Variants in FAM171B observed in about 807,000 individuals in gnomAD.
FAM171B encodes protein FAM171B.
A neutral mutation model predicts 75.6 loss-of-function variants in FAM171B; 19 were observed. The ratio of observed to expected loss-of-function variants is 0.25; its 90% CI spans 0.18 to 0.37. The LOEUF (loss-of-function observed/expected upper bound fraction) is 0.37, where lower values mean the gene tolerates loss of function less well. Ranked by LOEUF, FAM171B falls within the 10% of genes least tolerant of loss-of-function variation. The pLI is 1.00. For synonymous variants in FAM171B, 367 were observed against 361.7 expected (o/e 1.01, Z -0.17); for missense variants, 848 against 982.4 (o/e 0.86, Z 1.83).
At chr2:186,753,906 A>T in intron 5 of FAM171B, 27 bp from the exon 6 acceptor site, 1 of 1,560,854 alleles carries the variant, frequency 6.4e-7, no homozygotes, top group South Asian at 1.1e-5. Flanking sequence ...TATAACTGTA[A>T]CAAGTATTTT....
intron 1 of FAM171B, among the ~76,000 whole-genome samples, chr2:186,737,465 T>G (rs1378017787): frequency 1.3e-5 from 2 of 152,282 alleles, no homozygotes; most frequent in East Asian, 3.9e-4. Context: ...AAATCATCCT[T>G]CCTTCTCACC....
At chr2:186,757,067 G>A (rs1276349251) in intron 6 of FAM171B, among the ~76,000 whole-genome samples, 1 of 152,046 alleles carries the variant, frequency 6.6e-6, no homozygotes, top group Non-Finnish European at 1.5e-5. Context: ...TATACTTGAG[G>A]AATGTTGATG....
At chr2:186,717,001 T>C (rs62196185) in intron 1 of FAM171B, among the ~76,000 whole-genome samples, 31,817 of 152,002 alleles carry the variant, frequency 0.21, 4,799 homozygotes, top group East Asian at 0.73. Context: ...TTTCATAGAA[T>C]GAAATTCAGG....
At chr2:186,708,680 G>T (rs1313525849) in intron 1 of FAM171B, among the ~76,000 whole-genome samples, 1 of 152,042 alleles carries the variant, frequency 6.6e-6, no homozygotes, top group South Asian at 2.1e-4. Context: ...TCTTTCTGTG[G>T]CAATAATAAA....
chr2:186,748,781 G>T (rs1294374193), intron 4 of FAM171B, among the ~76,000 whole-genome samples: 4 of 152,096 alleles, frequency 2.6e-5, no homozygotes, highest in African/African-American at 9.7e-5. Context: ...TTATCTCAGG[G>T]TCTGCTGCTT....
At chr2:186,727,949 G>C (rs1174364698) in intron 1 of FAM171B, among the ~76,000 whole-genome samples, 1 of 152,054 alleles carries the variant, frequency 6.6e-6, no homozygotes, top group Non-Finnish European at 1.5e-5. Context: ...TGAATATTTT[G>C]TGTGAAAATG....
At chr2:186,752,266 G>A (rs150218219) in intron 5 of FAM171B, among the ~76,000 whole-genome samples, 11 of 152,208 alleles carry the variant, frequency 7.2e-5, no homozygotes, top group African/African-American at 2.4e-4. Context: ...AGCTGGATGG[G>A]ACCCTAAACT....
chr2:186,755,195 G>A (rs777005456), intron 6 of FAM171B, among the ~76,000 whole-genome samples: 38 of 152,062 alleles, frequency 2.5e-4, no homozygotes, highest in Admixed American at 8.5e-4. Context: ...AGTCTAGACC[G>A]GTTGCACTGT....
intron 2 of FAM171B, 45 bp from the exon 3 acceptor site, chr2:186,743,438 C>A: frequency 7.4e-7 from 1 of 1,353,722 alleles, no homozygotes; most frequent in South Asian, 1.2e-5. Context: ...TAGTTTTTTT[C>A]CCCTCACATT....
Position 186,762,426 on chromosome 2 carries a change from G to A in FAM171B, c.2084G>A (p.Gly695Asp). ...VRHSFIDLKK[G>D]KRTQSNDTSL... is the part of the protein sequence containing the mutation. ...CACTCCTTTATAGACCTGAAAAAGG[G>A]CAAGAGAACCCAGAGCAATGACACC... The change falls in exon 8 of 8, where the codon GGC (glycine) becomes GAC (aspartate). Residue 695 changes from glycine (G) to aspartate (D), a missense_variant. Gly to Asp is a moderately conservative substitution (Grantham distance 94). This residue lies in a region of FAM171B where 136 missense variants were observed against 159.3 expected (regional missense o/e 0.85). Coordinates refer to ENST00000304698, the MANE Select transcript of FAM171B (RefSeq NM_177454.4). This position sits in a 1 kb window ranked among gnomAD's most constrained non-coding sequence, Gnocchi z 4.0. 1 of 1,613,632 alleles carries A rather than the reference G, an allele frequency of 6.2e-7. No individual in the cohort carries two copies. Among genetic ancestry groups the A allele is most frequent in the Non-Finnish European group, 8.5e-7 (1 of 1,179,770 alleles).
intron 3 of FAM171B, among the ~76,000 whole-genome samples, chr2:186,745,271 C>T (rs756726568): frequency 7.2e-5 from 11 of 152,236 alleles, no homozygotes; most frequent in Non-Finnish European, 1.2e-4. Context: ...AGCTTCTTCA[C>T]AGTCCCTCTT....
intron 1 of FAM171B, among the ~76,000 whole-genome samples, chr2:186,733,005 A>G (rs1690141513): frequency 6.6e-6 from 1 of 152,212 alleles, no homozygotes; most frequent in African/African-American, 2.4e-5. Flanking sequence ...CAGTTTAACA[A>G]CTGCCTGAAC....
In FAM171B at chr2:186,765,059, C is replaced by T. The variant is rs1297713848; in HGVS notation, c.*2236C>T. 1 of 151,908 alleles carries T rather than the reference C, an allele frequency of 6.6e-6. No homozygotes were observed. Among genetic ancestry groups the T allele is most frequent in the Non-Finnish European group, 1.5e-5 (1 of 67,884 alleles). 9.4% of individuals were successfully genotyped at this position (151,908 alleles called of 1,614,324 possible). ...TAAAACCTTATTATTTTTTACACTG[C>T]ACATGCTGTTCTCAATTGGTAATTA... On this transcript the variant is annotated 3_prime_UTR_variant, in exon 8 of 8. Coordinates refer to ENST00000304698, the MANE Select transcript of FAM171B (RefSeq NM_177454.4).
intron 1 of FAM171B, among the ~76,000 whole-genome samples, chr2:186,726,808 G>A (rs1430024641): frequency 6.6e-6 from 1 of 152,140 alleles, no homozygotes; most frequent in Non-Finnish European, 1.5e-5. Context: ...GTGAAAGGAA[G>A]AGGAATCTTA....
rs1350181415 is a variant in FAM171B at position 186,740,214 on chromosome 2, C to A, written c.239-14C>A. On this transcript the variant is annotated splice_polypyrimidine_tract_variant and intron_variant, in intron 1 of 7. Coordinates refer to ENST00000304698, the MANE Select transcript of FAM171B (RefSeq NM_177454.4). ...GGATACGACATGCTGCAATTTCTAC[C>A]TTTTTCTCTCCAGTGTCTGTATTTA... The A allele has an allele frequency of 6.3e-7, 1 of 1,598,272 alleles. No individual in the cohort carries two copies. The highest frequency in any genetic ancestry group is 2.2e-5 in the East Asian group (1 of 44,738).
intron 4 of FAM171B, 87 bp from the exon 5 acceptor site, chr2:186,751,047 G>A (rs903924461): frequency 5.0e-6 from 5 of 991,426 alleles, no homozygotes; most frequent in East Asian, 2.4e-5. Context: ...TGGTGAAATA[G>A]AGGAACTATT....
At chr2:186,722,782 C>T (rs1300563190) in intron 1 of FAM171B, among the ~76,000 whole-genome samples, 3 of 152,120 alleles carry the variant, frequency 2.0e-5, no homozygotes, top group East Asian at 3.9e-4. Flanking sequence ...TCTTAAAGCT[C>T]ATTCTATTGA....
chr2:186,740,120 T>G, intron 1 of FAM171B, 108 bp from the exon 2 acceptor site: 1 of 717,704 alleles, frequency 1.4e-6, no homozygotes, highest in South Asian at 2.0e-5. Flanking sequence ...TTCCTAAGTT[T>G]AACAACAGTT....
chr2:186,747,136 A>G lies in FAM171B; in HGVS notation c.610A>G (p.Lys204Glu). ...PSVQFSKALIKLPDNHHISNV... is the reference protein window; with the variant it reads ...PSVQFSKALIELPDNHHISNV... ...TGTTCAGTTTTCAAAAGCCTTAATT[A>G]AACTTCCTGACAACCATCATATTAG... Residue 204 changes from lysine to glutamate, a missense_variant, in exon 4 of 8, where the codon AAA (lysine) becomes GAA (glutamate). Coordinates refer to ENST00000304698, the MANE Select transcript of FAM171B (RefSeq NM_177454.4). 2 of 1,605,574 alleles carry G rather than the reference A, an allele frequency of 1.2e-6. No individual in the cohort carries two copies. The highest frequency in any genetic ancestry group is 1.7e-6 in the Non-Finnish European group (2 of 1,176,872).
Sources: allele counts gnomAD v4.1 joint callset (sites outside exome capture counted in the v4.1 genomes callset), GRCh38; gene constraint gnomAD v4.1.1; regional missense constraint gnomAD v4.1.1; non-coding constraint Gnocchi (gnomAD v3.1); transcripts MANE v1.5; gene names NCBI Gene and HGNC (gene_info 2026-07-23, HGNC 2026-07-21).